The following DOCK3 variants were observed in gnomAD, a reference collection of about 807,000 sequenced individuals.
DOCK3 encodes dedicator of cytokinesis protein 3.
A neutral mutation model predicts 265.6 loss-of-function variants in DOCK3; 60 were observed. That is an observed-to-expected ratio of 0.23 (90% CI 0.18 to 0.28). The LOEUF (loss-of-function observed/expected upper bound fraction) is 0.28. Ranked by LOEUF, DOCK3 falls within the 10% of genes least tolerant of loss-of-function variation. DOCK3 has a pLI of 1.00. For synonymous variants in DOCK3, 881 were observed against 938.0 expected, an observed-to-expected ratio of 0.94 and a Z score of 1.11; for missense variants, 1,981 against 2,594.3, an observed-to-expected ratio of 0.76 and a Z score of 5.14.
intron 2 of DOCK3, among the ~76,000 whole-genome samples, chr3:50,795,027 C>T (rs1194895946): frequency 6.6e-6 from 1 of 151,930 alleles, no homozygotes; most frequent in African/African-American, 2.4e-5. Flanking sequence ...GTTTGAATCT[C>T]TCTTTTTTTT....
At chr3:50,966,502 C>CTTTTT (rs531569343) in intron 5 of DOCK3, among the ~76,000 whole-genome samples, 2 of 114,940 alleles carry the variant, frequency 1.7e-5, no homozygotes, top group Non-Finnish European at 1.9e-5. Flanking sequence ...TTTTTTCTTC[C>CTTTTT]TTTTTTTTTT....
chr3:50,899,116 C>T (rs917335399), intron 4 of DOCK3, among the ~76,000 whole-genome samples: 2 of 152,142 alleles, frequency 1.3e-5, no homozygotes, highest in African/African-American at 2.4e-5. Flanking sequence ...GAGTCTAAGT[C>T]TCTTTGTAGG....
chr3:50,793,632 A>G (rs2042613842), intron 2 of DOCK3, among the ~76,000 whole-genome samples: 1 of 152,170 alleles, frequency 6.6e-6, no homozygotes, highest in African/African-American at 2.4e-5. Flanking sequence ...TGCTGGGATT[A>G]CAGGCGTGAG....
At chr3:51,209,119 G>A (rs1235083882) in intron 13 of DOCK3, among the ~76,000 whole-genome samples, 1 of 152,154 alleles carries the variant, frequency 6.6e-6, no homozygotes, top group Non-Finnish European at 1.5e-5. Flanking sequence ...TTCAAATCCA[G>A]AGTGAGCAAA....
At chr3:51,246,861 A>G in intron 22 of DOCK3, 54 bp downstream of exon 22, 1 of 1,534,128 alleles carries the variant, frequency 6.5e-7, no homozygotes, top group Admixed American at 1.8e-5. Flanking sequence ...ATTATTTGTG[A>G]GTAATCTCAG....
chr3:50,931,285 C>T (rs905282374), intron 4 of DOCK3, among the ~76,000 whole-genome samples: 1 of 152,208 alleles, frequency 6.6e-6, no homozygotes, highest in African/African-American at 2.4e-5. Flanking sequence ...ACTTCACTTT[C>T]TTCATGAATC....
intron 1 of DOCK3, among the ~76,000 whole-genome samples, chr3:50,731,659 A>G (rs2038220428): frequency 6.6e-6 from 1 of 152,178 alleles, no homozygotes; most frequent in Non-Finnish European, 1.5e-5. Flanking sequence ...ATTAGGTAAA[A>G]CTTACCACCA....
chr3:51,286,355 G>C (rs1326146107), intron 27 of DOCK3, among the ~76,000 whole-genome samples: 1 of 152,088 alleles, frequency 6.6e-6, no homozygotes, highest in Admixed American at 6.6e-5. Flanking sequence ...TTCATGGCTA[G>C]GAAGAATGAA....
intron 5 of DOCK3, among the ~76,000 whole-genome samples, chr3:50,949,076 T>A (rs182362028): frequency 1.5e-3 from 224 of 152,280 alleles, no homozygotes; most frequent in Non-Finnish European, 1.9e-3. Context: ...CCTTACACCA[T>A]GTACTAGAAC....
chr3:51,205,125 C>A (rs1267761794), intron 12 of DOCK3, among the ~76,000 whole-genome samples: 1 of 151,694 alleles, frequency 6.6e-6, no homozygotes, highest in South Asian at 2.1e-4. Flanking sequence ...ATGTAACTTA[C>A]CTGCACATTG....
intron 48 of DOCK3, 51 bp from the exon 49 acceptor site, chr3:51,362,476 A>G: frequency 6.2e-7 from 1 of 1,611,326 alleles, no homozygotes; most frequent in Non-Finnish European, 8.5e-7. Context: ...TGCCAGCCCT[A>G]AAGTCCTGGC....
At chr3:50,789,215 C>T (rs568156072) in intron 2 of DOCK3, among the ~76,000 whole-genome samples, 1 of 152,254 alleles carries the variant, frequency 6.6e-6, no homozygotes, top group South Asian at 2.1e-4. Flanking sequence ...CTTTTAATTT[C>T]CATCTTGATT....
At chr3:50,717,743 C>T (rs977775881) in intron 1 of DOCK3, among the ~76,000 whole-genome samples, 3 of 152,166 alleles carry the variant, frequency 2.0e-5, no homozygotes, top group African/African-American at 7.2e-5. Flanking sequence ...CTTCCTCAGC[C>T]TCCCGAGTAG....
chr3:50,916,365 C>T (rs544926171), intron 4 of DOCK3, among the ~76,000 whole-genome samples: 1 of 152,096 alleles, frequency 6.6e-6, no homozygotes, highest in South Asian at 2.1e-4. Context: ...AATCTTGGCT[C>T]ACTGCAAGCT....
chr3:51,357,256 C>G, intron 44 of DOCK3, 115 bp downstream of exon 44: 1 of 1,197,530 alleles, frequency 8.4e-7, no homozygotes, highest in Non-Finnish European at 1.2e-6. Context: ...CATGCCCTCT[C>G]TTGACATGGT....
chr3:51,114,234 G>A (rs1055503786), intron 9 of DOCK3, among the ~76,000 whole-genome samples: 17 of 152,286 alleles, frequency 1.1e-4, no homozygotes, highest in Admixed American at 3.3e-4. Context: ...AACCAAGGGG[G>A]AATATTTTAG....
chr3:51,228,078 A>C lies in DOCK3; in HGVS notation c.1637A>C (p.Tyr546Ser), dbSNP rs946309528. The C allele has an allele frequency of 6.2e-7, 1 of 1,613,974 alleles. No individual in the cohort carries two copies. The highest frequency in any genetic ancestry group is 1.3e-5 in the African/African-American group (1 of 75,040). ...CTCTCAGATGATATTCACGAGCTTT[A>C]TGTGTACAAGGTATGAAGCCTAGCT... ...TTLSDDIHELYVYKCDENSTF... is the reference protein window; with the variant it reads ...TTLSDDIHELSVYKCDENSTF... The change falls in exon 17 of 53, where the codon TAT becomes TCT. Residue 546 changes from tyrosine to serine, a missense_variant. By Grantham distance (144) the Tyr-to-Ser change is moderately radical. Coordinates refer to ENST00000266037, the MANE Select transcript of DOCK3 (RefSeq NM_004947.5).
chr3:51,268,994 C>T (rs895215666), intron 23 of DOCK3, among the ~76,000 whole-genome samples: 3 of 151,946 alleles, frequency 2.0e-5, no homozygotes, highest in Non-Finnish European at 4.4e-5. Context: ...CACACTCCTA[C>T]TACATCAAGA....
At chr3:51,380,064 G>T in intron 51 of DOCK3, 61 bp from the exon 52 acceptor site, 1 of 1,513,022 alleles carries the variant, frequency 6.6e-7, no homozygotes, top group South Asian at 1.2e-5. Flanking sequence ...CAGCAAGATG[G>T]TGCTGGCATG....
Sources: gnomAD v4.1 joint callset for allele counts (sites outside exome capture counted in the v4.1 genomes callset) on GRCh38, gnomAD v4.1.1 for gene constraint, MANE v1.5 for transcripts, NCBI Gene and HGNC (gene_info 2026-07-23, HGNC 2026-07-21) for gene names.